TANGO6: variants seen among roughly 807,000 people sequenced by gnomAD.
The protein encoded by TANGO6 is transport and Golgi organization protein 6 homolog.
A neutral mutation model predicts 114.2 loss-of-function variants in TANGO6; 90 were observed. The observed-to-expected ratio is 0.79, with a 90% CI of 0.66 to 0.94. TANGO6 has a LOEUF of 0.94. Among genes scored for constraint, TANGO6 ranks in the 40% least tolerant of loss-of-function variants. The pLI, the probability that TANGO6 is intolerant of heterozygous loss-of-function variation, is 0.00. For synonymous variants in TANGO6, 477 were observed against 509.8 expected, an observed-to-expected ratio of 0.94 and a Z score of 0.87; for missense variants, 1,274 against 1,315.3, an observed-to-expected ratio of 0.97 and a Z score of 0.49.
chr16:68,882,846 G>A (rs1484625476), intron 7 of TANGO6, among the ~76,000 whole-genome samples: 4 of 151,942 alleles, frequency 2.6e-5, no homozygotes, highest in Non-Finnish European at 5.9e-5. Flanking sequence ...GTGAAACCCT[G>A]TCTCTACTAA....
chr16:68,904,824 TATGGTGGTTCATACTGGTA>T (rs1224221957), intron 9 of TANGO6, among the ~76,000 whole-genome samples: 2 of 152,286 alleles, frequency 1.3e-5, no homozygotes, highest in African/African-American at 4.8e-5. Context: ...TTGAGCTGGG[TATGGTGGTTCATACTGGTA>T]ATCCCAGCAC....
intron 12 of TANGO6, among the ~76,000 whole-genome samples, chr16:68,922,840 A>G (rs1266389861): frequency 1.3e-5 from 2 of 149,634 alleles, no homozygotes; most frequent in African/African-American, 2.5e-5. Flanking sequence ...TCTAGATTCT[A>G]CTGGGGTGGG....
At chr16:68,955,448 G>A (rs1191473160) in intron 14 of TANGO6, among the ~76,000 whole-genome samples, 1 of 152,166 alleles carries the variant, frequency 6.6e-6, no homozygotes, top group African/African-American at 2.4e-5. Context: ...ATAGAGCAAC[G>A]CTGCTCTGCT....
intron 4 of TANGO6, among the ~76,000 whole-genome samples, chr16:68,868,698 T>G (rs555902994): frequency 6.6e-6 from 1 of 152,046 alleles, no homozygotes; most frequent in South Asian, 2.1e-4. Context: ...GGGGTTTCAC[T>G]GTGTTAGTCA....
At chr16:68,998,744 A>AG (rs1443800816) in intron 15 of TANGO6, among the ~76,000 whole-genome samples, 1 of 151,986 alleles carries the variant, frequency 6.6e-6, no homozygotes, top group East Asian at 1.9e-4. Flanking sequence ...AAAAAAAAAA[A>AG]ACCAGTTTGT....
At chr16:69,055,020 ATTT>A (rs199952725) in intron 17 of TANGO6, among the ~76,000 whole-genome samples, 3 of 145,644 alleles carry the variant, frequency 2.1e-5, no homozygotes, top group African/African-American at 7.5e-5. Context: ...AAAGATGCCA[ATTT>A]TTTTTTTTTA....
intron 17 of TANGO6, among the ~76,000 whole-genome samples, chr16:69,073,857 A>G: frequency 6.6e-6 from 1 of 151,866 alleles, no homozygotes; most frequent in East Asian, 1.9e-4. Context: ...TGGGAGGCTG[A>G]GGCAGGAGAA....
intron 14 of TANGO6, among the ~76,000 whole-genome samples, chr16:68,945,002 C>T (rs1021238818): frequency 2.0e-5 from 3 of 152,218 alleles, no homozygotes; most frequent in African/African-American, 4.8e-5. Context: ...CAAAAATTAG[C>T]CAGGTGTGGT....
intron 17 of TANGO6, among the ~76,000 whole-genome samples, chr16:69,045,641 G>C (rs1959844904): frequency 6.6e-6 from 1 of 151,242 alleles, no homozygotes. Context: ...TACTCAGAAG[G>C]CTGAGGCAGG....
At chr16:69,039,166 C>CA (rs1339556932) in intron 16 of TANGO6, among the ~76,000 whole-genome samples, 1 of 151,740 alleles carries the variant, frequency 6.6e-6, no homozygotes, top group Non-Finnish European at 1.5e-5. Flanking sequence ...GCCTGGGCGA[C>CA]AGAGTGAGAC....
intron 7 of TANGO6, among the ~76,000 whole-genome samples, chr16:68,898,418 A>G (rs907883662): frequency 3.3e-5 from 5 of 152,190 alleles, no homozygotes; most frequent in Admixed American, 6.5e-5. Context: ...CTTTAGTTTC[A>G]TGAACAACGT....
intron 17 of TANGO6, among the ~76,000 whole-genome samples, chr16:69,078,963 C>T (rs1462528355): frequency 4.7e-5 from 7 of 149,432 alleles, no homozygotes; most frequent in African/African-American, 9.8e-5. Context: ...AGGCTGGTCT[C>T]GAACTCCTGA....
At chr16:69,004,918 A>C (rs1459658356) in intron 15 of TANGO6, among the ~76,000 whole-genome samples, 1 of 152,228 alleles carries the variant, frequency 6.6e-6, no homozygotes, top group Non-Finnish European at 1.5e-5. Flanking sequence ...ACAGAAAATG[A>C]TAACTTTAGG....
intron 14 of TANGO6, among the ~76,000 whole-genome samples, chr16:68,964,041 T>TC (rs1963620356): frequency 1.2e-4 from 19 of 152,138 alleles, no homozygotes; most frequent in Admixed American, 1.0e-3. Context: ...AACAGCTGAC[T>TC]AGCTGTTCTA....
chr16:69,027,617 T>G (rs1959524211), intron 16 of TANGO6, among the ~76,000 whole-genome samples: 1 of 152,174 alleles, frequency 6.6e-6, no homozygotes, highest in Non-Finnish European at 1.5e-5. Flanking sequence ...TTGGTTATAT[T>G]GTCTGAAGAT....
At chr16:68,886,669 C>T (rs1442717131) in intron 7 of TANGO6, among the ~76,000 whole-genome samples, 1 of 152,084 alleles carries the variant, frequency 6.6e-6, no homozygotes, top group Non-Finnish European at 1.5e-5. Flanking sequence ...GCACCACGCC[C>T]AGTTAATTTT....
chr16:68,859,860 T>A (rs1054375350), intron 1 of TANGO6, 24 bp from the exon 2 acceptor site: 1 of 1,534,320 alleles, frequency 6.5e-7, no homozygotes, highest in Non-Finnish European at 8.7e-7. Flanking sequence ...GTGTATAAAC[T>A]CTCCTTTTTT....
chr16:69,040,249 G>GT, intron 16 of TANGO6, 59 bp from the exon 17 acceptor site: 1 of 1,429,640 alleles, frequency 7.0e-7, no homozygotes, highest in Non-Finnish European at 9.7e-7. Context: ...CAGTTGAAAG[G>GT]TTATAGGTAA....
intron 17 of TANGO6, among the ~76,000 whole-genome samples, chr16:69,045,179 G>A (rs1256492796): frequency 6.7e-6 from 1 of 150,002 alleles, no homozygotes; most frequent in Non-Finnish European, 1.5e-5. Context: ...AAAAAGCTGG[G>A]CGCGGCGACT....
Sources: gnomAD v4.1 joint callset for allele counts (sites outside exome capture counted in the v4.1 genomes callset) on GRCh38, gnomAD v4.1.1 for gene constraint, MANE v1.5 for transcripts, NCBI Gene and HGNC (gene_info 2026-07-23, HGNC 2026-07-21) for gene names.